HDAC11: variants seen among roughly 807,000 people sequenced by gnomAD.
The protein encoded by HDAC11 is histone deacetylase 11.
In HDAC11, 23 loss-of-function variants were observed where a neutral mutation model predicts 41.1. The ratio of observed to expected loss-of-function variants is 0.56; its 90% CI spans 0.40 to 0.79. HDAC11 has a LOEUF of 0.79. HDAC11 is among the 30% of genes least tolerant of loss of function. HDAC11 has a pLI of 0.00. For synonymous variants in HDAC11, 187 were observed against 186.6 expected, an observed-to-expected ratio of 1.00 and a Z score of -0.02; for missense variants, 402 against 477.3, an observed-to-expected ratio of 0.84 and a Z score of 1.47.
chr3:13,505,292 C>G lies in HDAC11; in HGVS notation c.*609C>G, dbSNP rs539124224. On this transcript the variant is annotated 3_prime_UTR_variant, in exon 10 of 10. Coordinates refer to ENST00000295757, the MANE Select transcript of HDAC11 (RefSeq NM_024827.4). ...TCAGGAAGGGGTACAGGTGGGTTCCCTCATCTGGAGTTCCCCCTCAATAAA... is the reference window on the plus strand; with the variant it reads ...TCAGGAAGGGGTACAGGTGGGTTCCGTCATCTGGAGTTCCCCCTCAATAAA... 6.3e-6 allele frequency: 1 copy of G among 159,056 alleles called. No individual in the cohort carries two copies. The highest frequency in any genetic ancestry group is 2.4e-5 in the African/African-American group (1 of 41,524). The allele number at this position is 159,056 out of a possible 1,614,324, so 9.9% of individuals were successfully genotyped here.
chr3:13,500,062 A>G (rs1314373995), intron 5 of HDAC11, among the ~76,000 whole-genome samples: 1 of 152,138 alleles, frequency 6.6e-6, no homozygotes, highest in Non-Finnish European at 1.5e-5. Flanking sequence ...TCTCATCATT[A>G]GGAGCCAACA....
chr3:13,482,229 C>T (rs562416528), intron 2 of HDAC11, among the ~76,000 whole-genome samples: 1 of 152,174 alleles, frequency 6.6e-6, no homozygotes, highest in Admixed American at 6.5e-5. Context: ...ATCAAGGGGC[C>T]TGATTTAGGT....
At chr3:13,493,523 G>T (rs2125005917) in intron 3 of HDAC11, among the ~76,000 whole-genome samples, 1 of 152,348 alleles carries the variant, frequency 6.6e-6, no homozygotes, top group Non-Finnish European at 1.5e-5. Context: ...TGTAACTGAG[G>T]AACCAAACTT....
chr3:13,506,335 G>A lies in HDAC11; in HGVS notation c.*1652G>A, dbSNP rs779548954. On this transcript the variant is annotated 3_prime_UTR_variant, in exon 10 of 10. Coordinates refer to ENST00000295757, the MANE Select transcript of HDAC11 (RefSeq NM_024827.4). Reference sequence around the variant, plus strand: ...CAAAGAATCCCTACCTCCTAGGGGTGAAAGGAAATGAAAATGGAAAGTTCT... The same window carrying A: ...CAAAGAATCCCTACCTCCTAGGGGTAAAAGGAAATGAAAATGGAAAGTTCT... 4.6e-5 allele frequency: 7 copies of A among 152,292 alleles called. No individual in the cohort carries two copies. Among genetic ancestry groups the A allele is most frequent in the Admixed American group, 1.3e-4 (2 of 15,290 alleles). The allele number at this position is 152,292 out of a possible 1,614,324, so 9.4% of individuals were successfully genotyped here.
In HDAC11 at chr3:13,502,913, C is replaced by T. The variant is rs147028213; in HGVS notation, c.582C>T (p.Asp194=). ...ATGGGCATGAGCGAGACTTCATGGA[C>T]GACAAGCGTGTGTACATCATGGATG... ...QGNGHERDFM[D]DKRVYIMDVY... Residue 194 remains aspartate, a synonymous_variant, in exon 8 of 10, where the codon GAC becomes GAT. Coordinates refer to ENST00000295757, the MANE Select transcript of HDAC11 (RefSeq NM_024827.4). The surrounding 1 kb of genome is among the most constrained non-coding windows in gnomAD (Gnocchi z 4.1). 4.0e-5 allele frequency: 64 copies of T among 1,613,564 alleles called. No individual in the cohort carries two copies. In the African/African-American group the frequency reaches 4.0e-4, roughly 10 times the overall value.
intron 4 of HDAC11, 48 bp downstream of exon 4, chr3:13,496,900 A>G: frequency 9.5e-7 from 1 of 1,058,030 alleles, no homozygotes. Flanking sequence ...CCCACACCCC[A>G]GGGTCCTTCT....
At position 13,480,597 on chromosome 3, in the gene HDAC11, CGGGCGAT is replaced by C. The variant is rs1397298098; in HGVS notation, c.2+250_2+256del. ...GGCCTGGGCCCGGACCCGGAGCGGT[CGGGCGAT>C]GTGCGCGGGTCTGACGTCTGCGCTG... On this transcript the variant is annotated intron_variant, in intron 1 of 9. Coordinates refer to ENST00000295757, the MANE Select transcript of HDAC11 (RefSeq NM_024827.4). This position sits in a 1 kb window ranked among gnomAD's most constrained non-coding sequence, Gnocchi z 4.6. The C allele has an allele frequency of 3.3e-6, 1 of 299,018 alleles. No individual in the cohort carries two copies. The highest frequency in any genetic ancestry group is 6.6e-6 in the Non-Finnish European group (1 of 152,646). The allele number at this position is 299,018 out of a possible 1,614,324, so 18.5% of individuals were successfully genotyped here. A position where few individuals can be genotyped will look rare whatever the true frequency, so the allele number is the denominator to read the frequency against.
rs546390669 is a variant in HDAC11 at position 13,493,767 on chromosome 3, C to T, written c.253-2969C>T. On this transcript the variant is annotated intron_variant, in intron 3 of 9. Transcript: ENST00000295757. ...AACGTTGGCACAGCAAACACACATA[C>T]TTTCTCCTGTGGGGGCTGGTCCTGC... 2.6e-5 allele frequency among the ~76,000 whole-genome samples: 4 copies of T among 152,338 alleles called. No homozygotes were observed. The East Asian group carries it at 7.7e-4, about 29-fold the overall frequency.
chr3:13,501,557 C>T (rs1559380650), intron 6 of HDAC11: 1 of 599,938 alleles, frequency 1.7e-6, no homozygotes, highest in East Asian at 3.8e-5. Context: ...TTAACCCCTA[C>T]ACATTTCCTA....
chr3:13,481,021 T>G, intron 1 of HDAC11: 1 of 565,900 alleles, frequency 1.8e-6, no homozygotes, highest in Non-Finnish European at 3.2e-6. Context: ...GAGCCTCTGG[T>G]GCGATTGTGG....
intron 3 of HDAC11, among the ~76,000 whole-genome samples, chr3:13,491,313 A>G (rs1278995747): frequency 6.6e-6 from 1 of 151,910 alleles, no homozygotes; most frequent in Non-Finnish European, 1.5e-5. Context: ...ATATTTTACC[A>G]TTGAGTATAA....
intron 3 of HDAC11, among the ~76,000 whole-genome samples, chr3:13,495,803 C>T (rs1702071227): frequency 6.6e-6 from 1 of 152,184 alleles, no homozygotes; most frequent in South Asian, 2.1e-4. Flanking sequence ...ATCTGGATAA[C>T]TCCTATTCAC....
At chr3:13,496,710 C>T in intron 3 of HDAC11, 26 bp from the exon 4 acceptor site, 2 of 1,501,240 alleles carry the variant, frequency 1.3e-6, no homozygotes, top group Non-Finnish European at 1.8e-6. Flanking sequence ...GAAGCGGAGG[C>T]CAACAGCCCC....
rs1702552177 is a variant in HDAC11 at position 13,504,965 on chromosome 3, A to G, written c.*282A>G. The G allele has an allele frequency of 3.8e-6, 2 of 520,880 alleles. No individual in the cohort carries two copies. Among genetic ancestry groups the G allele is most frequent in the South Asian group, 2.1e-5 (1 of 47,258 alleles). 32.3% of individuals were successfully genotyped at this position (520,880 alleles called of 1,614,324 possible). A position where few individuals can be genotyped will look rare whatever the true frequency, so the allele number is the denominator to read the frequency against. ...CAGGGAGGCAGGCAGTTAACTGAGAATTGGAGAGGACAGGCTAGGTCCCAG... is the reference window on the plus strand; with the variant it reads ...CAGGGAGGCAGGCAGTTAACTGAGAGTTGGAGAGGACAGGCTAGGTCCCAG... On this transcript the variant is annotated 3_prime_UTR_variant, in exon 10 of 10. Transcript: ENST00000295757.
At position 13,480,447 on chromosome 3, in the gene HDAC11, G is replaced by C. The variant is rs988380185; in HGVS notation, c.2+98G>C. Reference sequence around the variant, plus strand: ...GGGGACGGCCGGGCGGGCGCGCCAGGTAAGGGCCCAGATTTGCTGGTGAGG... The same window carrying C: ...GGGGACGGCCGGGCGGGCGCGCCAGCTAAGGGCCCAGATTTGCTGGTGAGG... On this transcript the variant is annotated intron_variant, in intron 1 of 9. Transcript: ENST00000295757. The surrounding 1 kb of genome is among the most constrained non-coding windows in gnomAD (Gnocchi z 4.6). 2.7e-6 allele frequency: 2 copies of C among 748,274 alleles called. No homozygotes were observed. Among genetic ancestry groups the C allele is most frequent in the Non-Finnish European group, 1.8e-6 (1 of 560,590 alleles). 46.4% of individuals were successfully genotyped at this position (748,274 alleles called of 1,614,324 possible). A position where few individuals can be genotyped will look rare whatever the true frequency, so the allele number is the denominator to read the frequency against.
chr3:13,487,394 C>A (rs1701647554), intron 3 of HDAC11, among the ~76,000 whole-genome samples: 1 of 152,248 alleles, frequency 6.6e-6, no homozygotes, highest in Non-Finnish European at 1.5e-5. Flanking sequence ...CCCCCAACCC[C>A]TGCCTGGGGC....
chr3:13,486,330 A>G (rs1197498847), intron 3 of HDAC11, among the ~76,000 whole-genome samples: 1 of 149,596 alleles, frequency 6.7e-6, no homozygotes, highest in Non-Finnish European at 1.5e-5. Context: ...ACACATCTGT[A>G]TTGAATGCCA....
intron 4 of HDAC11, 35 bp downstream of exon 4, chr3:13,496,887 GC>G: frequency 3.9e-6 from 5 of 1,280,750 alleles, no homozygotes; most frequent in South Asian, 1.4e-5. Flanking sequence ...TGGGCTGGGG[GC>G]CCCCACACCC....
At chr3:13,496,106 GCACTTGGAGGT>G (rs1702083858) in intron 3 of HDAC11, among the ~76,000 whole-genome samples, 1 of 152,196 alleles carries the variant, frequency 6.6e-6, no homozygotes, top group Non-Finnish European at 1.5e-5. Context: ...TTTACCTGGT[GCACTTGGAGGT>G]CACAGGGCAC....
Sources: allele counts gnomAD v4.1 joint callset (sites outside exome capture counted in the v4.1 genomes callset), GRCh38; gene constraint gnomAD v4.1.1; non-coding constraint Gnocchi (gnomAD v3.1); transcripts MANE v1.5; gene names NCBI Gene and HGNC (gene_info 2026-07-23, HGNC 2026-07-21).